Variants in MBP observed in about 807,000 individuals in gnomAD.
MBP encodes the protein myelin basic protein.
MBP carries 16 observed loss-of-function variants against 35.8 expected under a neutral mutation model. The observed-to-expected ratio is 0.45, with a 90% CI of 0.30 to 0.68. MBP has a LOEUF of 0.68. MBP is among the 30% of genes least tolerant of loss of function. The pLI, the probability that MBP is intolerant of heterozygous loss-of-function variation, is 0.08. For missense variants in MBP, 380 were observed against 404.7 expected (o/e 0.94, Z 0.52); for synonymous variants, 143 against 159.6 (o/e 0.90, Z 0.78).
At chr18:77,015,706 G>A (rs1971587624) in intron 4 of MBP, 1 of 985,344 alleles carries the variant, frequency 1.0e-6, no homozygotes. Context: ...TGACATTTGT[G>A]TTTCTCTTCA....
intron 4 of MBP, chr18:77,013,474 T>C: frequency 2.0e-6 from 2 of 985,310 alleles, no homozygotes. Flanking sequence ...AGAACTAAAA[T>C]ATGTTTAATG....
chr18:77,084,158 A>G (rs1975100840), intron 2 of MBP, among the ~76,000 whole-genome samples: 1 of 152,094 alleles, frequency 6.6e-6, no homozygotes. Flanking sequence ...AGATTAGTAA[A>G]TGGCCCTTTC....
intron 3 of MBP, among the ~76,000 whole-genome samples, chr18:77,018,556 TC>T (rs1481450923): frequency 1.4e-5 from 2 of 144,034 alleles, no homozygotes; most frequent in Non-Finnish European, 3.0e-5. Context: ...CATCTATCCA[TC>T]CCCCATCCAC....
chr18:76,990,764 A>G, intron 4 of MBP: 2 of 207,908 alleles, frequency 9.6e-6, no homozygotes, highest in Non-Finnish European at 1.0e-5. Flanking sequence ...CAGGTGTACA[A>G]CTAGTGATCT....
intron 2 of MBP, among the ~76,000 whole-genome samples, chr18:77,074,238 G>A (rs1166509336): frequency 1.3e-5 from 2 of 152,118 alleles, no homozygotes; most frequent in Non-Finnish European, 2.9e-5. Context: ...AGGGCCATGA[G>A]ACTTGTGCTG....
intron 4 of MBP, chr18:77,013,778 G>T: frequency 4.1e-6 from 4 of 985,466 alleles, no homozygotes; most frequent in Non-Finnish European, 4.8e-6. Flanking sequence ...TGTCCTGGCT[G>T]CTTTCTGCTT....
At chr18:76,995,827 T>C (rs1970237138) in intron 4 of MBP, among the ~76,000 whole-genome samples, 1 of 151,972 alleles carries the variant, frequency 6.6e-6, no homozygotes, top group Non-Finnish European at 1.5e-5. Context: ...AAGGAAAAAA[T>C]GGATAAATTG....
At chr18:77,042,644 C>T (rs1300634345) in intron 3 of MBP, among the ~76,000 whole-genome samples, 1 of 152,140 alleles carries the variant, frequency 6.6e-6, no homozygotes, top group Non-Finnish European at 1.5e-5. Context: ...GGGACAGTTG[C>T]AGAGCTGTAC....
intron 4 of MBP, among the ~76,000 whole-genome samples, chr18:76,993,493 T>C (rs1970075333): frequency 6.8e-6 from 1 of 146,098 alleles, no homozygotes; most frequent in Admixed American, 7.3e-5. Flanking sequence ...GAGGTTGCAG[T>C]GAGCTGAGAT....
intron 2 of MBP, among the ~76,000 whole-genome samples, chr18:77,088,106 G>A (rs1975339471): frequency 6.6e-6 from 1 of 152,174 alleles, no homozygotes; most frequent in African/African-American, 2.4e-5. Context: ...CCCTGGCCAC[G>A]CATGGCCACC....
rs939746195 is a variant in MBP at position 76,996,661 on chromosome 18, G to A, written c.577-6601C>T. Reference sequence around the variant, plus strand: ...TGTGGTCTTATTTATATGACATGCCGGAAAAGGCTGACCTATATTGGGGGA... The same window carrying A: ...TGTGGTCTTATTTATATGACATGCCAGAAAAGGCTGACCTATATTGGGGGA... On this transcript the variant is annotated intron_variant, in intron 4 of 8. Transcript: ENST00000355994. Among the ~76,000 whole-genome samples the A allele has an allele frequency of 5.3e-5, 8 of 152,164 alleles. No homozygotes were observed. The South Asian group carries it at 8.3e-4, about 16-fold the overall frequency.
At position 77,044,037 on chromosome 18, in the gene MBP, C is replaced by T. The variant is rs10782015; in HGVS notation, c.139+22261G>A. ...CCTGAGGCTCTCTGCCTCTCTGCCT[C>T]CTCCCTGGAGGCCGTGCAAATCCTG... is the stretch of plus-strand genomic sequence containing the variant. On this transcript the variant is annotated intron_variant, in intron 3 of 8. Coordinates refer to ENST00000355994, the MANE Select transcript of MBP (RefSeq NM_001025101.2). The surrounding 1 kb of genome is among the most constrained non-coding windows in gnomAD (Gnocchi z 4.4). 0.28 allele frequency among the ~76,000 whole-genome samples: 42,972 copies of T among 151,572 alleles called. 6,391 individuals carry two copies. Among genetic ancestry groups the T allele is most frequent in the South Asian group, 0.39 (1,875 of 4,794 alleles).
At chr18:77,087,953 C>CGCGGCGCCTGGAGGGGA (rs1555727288) in intron 2 of MBP, among the ~76,000 whole-genome samples, 1 of 151,986 alleles carries the variant, frequency 6.6e-6, no homozygotes, top group Non-Finnish European at 1.5e-5. Context: ...CCTATGTCCA[C>CGCGGCGCCTGGAGGGGA]GCGGCGCCTG....
intron 4 of MBP, among the ~76,000 whole-genome samples, chr18:77,011,103 C>T (rs1318384815): frequency 6.6e-6 from 1 of 152,158 alleles, no homozygotes; most frequent in African/African-American, 2.4e-5. Context: ...TTTTCAGAGG[C>T]AAATCTGTGG....
At position 76,980,500 on chromosome 18, in the gene MBP, G is replaced by A. The variant is rs751156656; in HGVS notation, c.871-29C>T. The A allele has an allele frequency of 1.3e-5, 20 of 1,592,688 alleles. No individual in the cohort carries two copies. The East Asian group carries it at 3.6e-4, about 28-fold the overall frequency. ...AAAAGGAAGAGAGAGGAGTTAGGAC[G>A]AGAGTGCCGCAGGGTCCTCCCACAC... is the stretch of plus-strand genomic sequence containing the variant. On this transcript the variant is annotated intron_variant, in intron 8 of 8. Coordinates refer to ENST00000355994, the MANE Select transcript of MBP (RefSeq NM_001025101.2).
At chr18:76,980,719 G>C (rs373574609) in intron 8 of MBP, 1 of 533,946 alleles carries the variant, frequency 1.9e-6, no homozygotes, top group Non-Finnish European at 3.4e-6. Flanking sequence ...AGGGAGTGGT[G>C]CCTGGCATAA....
chr18:77,082,288 C>T (rs1014084301), intron 2 of MBP, among the ~76,000 whole-genome samples: 2 of 152,152 alleles, frequency 1.3e-5, no homozygotes, highest in Non-Finnish European at 2.9e-5. Flanking sequence ...AGGACTGGTA[C>T]GTGCTACACC....
At chr18:77,058,659 C>A (rs1252648727) in intron 3 of MBP, among the ~76,000 whole-genome samples, 2 of 152,130 alleles carry the variant, frequency 1.3e-5, no homozygotes, top group Non-Finnish European at 2.9e-5. Flanking sequence ...GTGCCCAGAG[C>A]CATTTTAATC....
chr18:77,053,495 C>G (rs745308864), intron 3 of MBP, among the ~76,000 whole-genome samples: 1 of 152,252 alleles, frequency 6.6e-6, no homozygotes, highest in Non-Finnish European at 1.5e-5. Context: ...TCAGTTGGAA[C>G]AGCATTTCTA....
Sources: gnomAD v4.1 joint callset for allele counts (sites outside exome capture counted in the v4.1 genomes callset) on GRCh38, gnomAD v4.1.1 for gene constraint, Gnocchi (gnomAD v3.1) non-coding constraint, MANE v1.5 for transcripts, NCBI Gene and HGNC (gene_info 2026-07-23, HGNC 2026-07-21) for gene names.